Variants in ANKS1A observed in about 807,000 individuals in gnomAD.
ANKS1A encodes the protein ankyrin repeat and SAM domain-containing protein 1A.
Under a neutral mutation model 120.3 loss-of-function variants are expected in ANKS1A, and 55 were observed. The observed-to-expected ratio is 0.46, with a 90% confidence interval of 0.37 to 0.57. The LOEUF is 0.57. Ranked by LOEUF, ANKS1A falls within the 20% of genes least tolerant of loss-of-function variation. ANKS1A has a pLI of 0.00. For missense variants in ANKS1A, 1,123 were observed against 1,480.3 expected (o/e 0.76, Z 3.96); for synonymous variants, 590 against 604.7 (o/e 0.98, Z 0.36).
chr6:34,976,584 CA>C (rs1181473559), intron 3 of ANKS1A, among the ~76,000 whole-genome samples: 1 of 151,686 alleles, frequency 6.6e-6, no homozygotes, highest in Admixed American at 6.6e-5. Context: ...TTATCTAGAC[CA>C]GTTGCCTCCA....
chr6:35,013,433 A>G (rs1031097821), intron 10 of ANKS1A, among the ~76,000 whole-genome samples: 3 of 152,072 alleles, frequency 2.0e-5, no homozygotes, highest in Non-Finnish European at 4.4e-5. Flanking sequence ...TAGCTGGGAC[A>G]GCAGGTGTGC....
At chr6:34,991,713 C>CAT (rs1196377019) in intron 9 of ANKS1A, among the ~76,000 whole-genome samples, 3 of 44,150 alleles carry the variant, frequency 6.8e-5, no homozygotes, top group Non-Finnish European at 9.4e-5. Flanking sequence ...CATATATACA[C>CAT]ATATATATAC....
intron 13 of ANKS1A, among the ~76,000 whole-genome samples, chr6:35,073,375 C>T (rs1777170759): frequency 6.6e-6 from 1 of 152,234 alleles, no homozygotes; most frequent in Non-Finnish European, 1.5e-5. Context: ...CTGGCTCTGC[C>T]TCTTCCATGG....
chr6:34,940,091 T>TA (rs1257221629), intron 1 of ANKS1A, among the ~76,000 whole-genome samples: 1 of 152,190 alleles, frequency 6.6e-6, no homozygotes, highest in Non-Finnish European at 1.5e-5. Flanking sequence ...CAAGAATAGT[T>TA]ACAAGATAAG....
intron 1 of ANKS1A, among the ~76,000 whole-genome samples, chr6:34,934,810 C>G (rs1769168682): frequency 6.6e-6 from 1 of 152,118 alleles, no homozygotes; most frequent in South Asian, 2.1e-4. Context: ...TCTTATTCCC[C>G]TCTCTTTTCA....
In ANKS1A at chr6:34,989,331, G is replaced by T; in HGVS notation, c.1302+15G>T. ...CAGCTTCTGAGGTAGAGGGTTGTGG[G>T]TTTATTCCCCATTGCTGAAATTTGA... On this transcript the variant is annotated intron_variant, in intron 9 of 23. Coordinates refer to ENST00000360359, the MANE Select transcript of ANKS1A (RefSeq NM_015245.3). 1.9e-6 allele frequency: 3 copies of T among 1,607,496 alleles called. No homozygotes were observed. The highest frequency in any genetic ancestry group is 2.5e-6 in the Non-Finnish European group (3 of 1,177,138).
chr6:35,067,821 A>C (rs896396855), intron 13 of ANKS1A, among the ~76,000 whole-genome samples: 1 of 149,866 alleles, frequency 6.7e-6, no homozygotes, highest in Non-Finnish European at 1.5e-5. Flanking sequence ...CAGTGGCCTT[A>C]TGTTTCCCCC....
intron 10 of ANKS1A, among the ~76,000 whole-genome samples, chr6:34,998,626 CCT>C (rs2127542071): frequency 6.6e-6 from 1 of 152,268 alleles, no homozygotes; most frequent in African/African-American, 2.4e-5. Flanking sequence ...GCATGCAGCC[CCT>C]GTCACGTACC....
chr6:35,063,747 A>T (rs1776630527), intron 13 of ANKS1A, among the ~76,000 whole-genome samples: 1 of 152,206 alleles, frequency 6.6e-6, no homozygotes, highest in African/African-American at 2.4e-5. Context: ...AAAAGCAAAT[A>T]ACGTAGGTGT....
chr6:34,963,280 A>G (rs1309588148), intron 1 of ANKS1A, among the ~76,000 whole-genome samples: 3 of 152,032 alleles, frequency 2.0e-5, no homozygotes, highest in African/African-American at 4.8e-5. Flanking sequence ...TCTCCCCAAC[A>G]TCACCCCCTC....
In ANKS1A at chr6:34,945,983, A is replaced by T. The variant is rs1469465544; in HGVS notation, c.198-21256A>T. Among the ~76,000 whole-genome samples, 1,209 of 128,902 alleles carry T rather than the reference A, an allele frequency of 9.4e-3. 7 individuals carry two copies. The highest frequency in any genetic ancestry group is 0.012 in the Non-Finnish European group (734 of 58,780). 84.6% of individuals were successfully genotyped at this position (128,902 alleles called of 152,430 possible). ...CCTCTCTTTATTTTTATTTTTATTT[A>T]TTTTTTTTTTTTTTTGAGACAGAGT... On this transcript the variant is annotated intron_variant, in intron 1 of 23. Transcript: ENST00000360359.
intron 11 of ANKS1A, among the ~76,000 whole-genome samples, chr6:35,043,094 T>C (rs566819269): frequency 1.6e-4 from 24 of 152,282 alleles, no homozygotes; most frequent in African/African-American, 4.6e-4. Flanking sequence ...GAGGACTGTG[T>C]TGGGGAGAAG....
chr6:35,062,971 T>C (rs1440772810), intron 13 of ANKS1A, among the ~76,000 whole-genome samples: 1 of 152,186 alleles, frequency 6.6e-6, no homozygotes, highest in Non-Finnish European at 1.5e-5. Flanking sequence ...CTTCAGAAAA[T>C]TGAAGACCTC....
chr6:34,998,742 A>G lies in ANKS1A; in HGVS notation c.1423+4320A>G, dbSNP rs59942509. 1.6e-3 allele frequency among the ~76,000 whole-genome samples: 239 copies of G among 152,288 alleles called. 1 individual carries two copies. Among genetic ancestry groups the G allele is most frequent in the African/African-American group, 4.8e-3 (200 of 41,562 alleles). On this transcript the variant is annotated intron_variant, in intron 10 of 23. Transcript: ENST00000360359. ...GCTCACTCGGGGAGCTCGGATTTTA[A>G]GACACTAGCCTGCTGATGCTCCCAG...
Position 35,004,147 on chromosome 6 carries a change from A to ACC in ANKS1A, c.1423+9731_1423+9732dup, listed in dbSNP as rs35532124. Among the ~76,000 whole-genome samples, 153 of 151,810 alleles carry ACC rather than the reference A, an allele frequency of 1.0e-3. 1 individual carries two copies. Among genetic ancestry groups the ACC allele is most frequent in the African/African-American group, 2.7e-3 (112 of 41,258 alleles). On this transcript the variant is annotated intron_variant, in intron 10 of 23. Coordinates refer to ENST00000360359, the MANE Select transcript of ANKS1A (RefSeq NM_015245.3). The stretch of plus-strand genomic sequence containing the variant: ...AGTCGATCACGACCCTCTCACACGG[A>ACC]CCCCCCCTTAGAGTTGTGAGCCCTT...
In ANKS1A at chr6:35,079,816, C is replaced by T. The variant is rs1201158525; in HGVS notation, c.2437-5C>T. The T allele has an allele frequency of 6.3e-7, 1 of 1,584,244 alleles. No homozygotes were observed. The highest frequency in any genetic ancestry group is 8.6e-7 in the Non-Finnish European group (1 of 1,165,002). ...CCTGTCACCTCGCTGCTCCTCATCACCCAGGTCCTGAAGGTCCAGCTGCTC... is the reference window on the plus strand; with the variant it reads ...CCTGTCACCTCGCTGCTCCTCATCATCCAGGTCCTGAAGGTCCAGCTGCTC... On this transcript the variant is annotated splice_polypyrimidine_tract_variant and splice_region_variant and intron_variant, in intron 15 of 23. Coordinates refer to ENST00000360359, the MANE Select transcript of ANKS1A (RefSeq NM_015245.3).
At chr6:34,967,357 C>A (rs1305046823) in intron 2 of ANKS1A, 38 bp downstream of exon 2, 7 of 1,597,442 alleles carry the variant, frequency 4.4e-6, no homozygotes, top group African/African-American at 1.3e-5. Context: ...CTTCACCCTT[C>A]AGAACCCAGG....
chr6:35,020,818 G>C (rs982106101), intron 11 of ANKS1A, among the ~76,000 whole-genome samples: 2 of 152,190 alleles, frequency 1.3e-5, no homozygotes, highest in Non-Finnish European at 2.9e-5. Flanking sequence ...AAGGTTGCAG[G>C]TGCTTACAAT....
At chr6:34,908,082 T>G (rs1269579839) in intron 1 of ANKS1A, among the ~76,000 whole-genome samples, 1 of 152,110 alleles carries the variant, frequency 6.6e-6, no homozygotes, top group Non-Finnish European at 1.5e-5. Flanking sequence ...CTAATATTAA[T>G]ATTTATACAG....
Sources: allele counts gnomAD v4.1 joint callset (sites outside exome capture counted in the v4.1 genomes callset), GRCh38; gene constraint gnomAD v4.1.1; transcripts MANE v1.5; gene names NCBI Gene and HGNC (gene_info 2026-07-23, HGNC 2026-07-21).